The following ITIH2 variants were observed in gnomAD, a reference collection of about 807,000 sequenced individuals.
ITIH2 encodes the protein inter-alpha-trypsin inhibitor heavy chain H2.
Under a neutral mutation model 104.4 loss-of-function variants are expected in ITIH2, and 103 were observed. The ratio of observed to expected loss-of-function variants is 0.99; its 90% confidence interval spans 0.84 to 1.16. The LOEUF (loss-of-function observed/expected upper bound fraction) is 1.16. Among genes scored for constraint, ITIH2 ranks in the 50% most tolerant of loss-of-function variants. ITIH2 has a pLI of 0.00. For missense variants in ITIH2, 1,108 were observed against 1,162.4 expected, an observed-to-expected ratio of 0.95 and a Z score of 0.68; for synonymous variants, 436 against 435.4, an observed-to-expected ratio of 1.00 and a Z score of -0.02.
At chr10:7,713,957 G>A (rs1244347049) in intron 5 of ITIH2, among the ~76,000 whole-genome samples, 1 of 151,978 alleles carries the variant, frequency 6.6e-6, no homozygotes, top group Admixed American at 6.6e-5. Context: ...CCAAAGTACT[G>A]GGATTACGGG....
chr10:7,717,985 C>T (rs11255308), intron 6 of ITIH2, among the ~76,000 whole-genome samples, 197 bp downstream of exon 6: 2,812 of 152,210 alleles, frequency 0.018, 84 homozygotes, highest in African/African-American at 0.059. Flanking sequence ...TCCTTAGCAG[C>T]CGTATTATGG....
chr10:7,724,358 G>A (rs1834932753), intron 9 of ITIH2, among the ~76,000 whole-genome samples: 2 of 152,028 alleles, frequency 1.3e-5, no homozygotes, highest in Non-Finnish European at 2.9e-5. Flanking sequence ...ATCACCTGAG[G>A]TTGGGAGTTT....
chr10:7,732,677 ATACAG>A (rs142342453), intron 14 of ITIH2, among the ~76,000 whole-genome samples, 200 bp downstream of exon 14: 5,136 of 152,284 alleles, frequency 0.034, 282 homozygotes, highest in African/African-American at 0.11. Flanking sequence ...GAGGTATAAC[ATACAG>A]TAAAGTATGC....
intron 11 of ITIH2, among the ~76,000 whole-genome samples, chr10:7,728,412 T>C (rs969449506): frequency 1.3e-5 from 2 of 152,200 alleles, no homozygotes; most frequent in African/African-American, 4.8e-5. Flanking sequence ...GACAGGGTCT[T>C]GCTCTGTCAC....
intron 4 of ITIH2, among the ~76,000 whole-genome samples, chr10:7,712,925 C>T (rs988547357): frequency 1.3e-5 from 2 of 152,136 alleles, no homozygotes; most frequent in African/African-American, 4.8e-5. Flanking sequence ...TCGAGACCAT[C>T]CTGGCCAACA....
Position 7,738,628 on chromosome 10 carries a change from G to T in ITIH2, c.1965G>T (p.Leu655=). ...PQDPSCCSGA[L]YYGSKVVPDS... ...GCAGGTTTGTCTACGCAGGGGCCCT[G>T]TATTACGGCAGCAAAGTGGTTCCAG... Residue 655 remains leucine (L), a synonymous_variant, in exon 16 of 21, where the codon CTG becomes CTT. Transcript: ENST00000358415. 7.4e-6 allele frequency: 12 copies of T among 1,613,940 alleles called. No homozygotes were observed. The highest frequency in any genetic ancestry group is 1.0e-5 in the Non-Finnish European group (12 of 1,179,932).
intron 5 of ITIH2, among the ~76,000 whole-genome samples, chr10:7,717,244 A>C (rs1834859073): frequency 6.6e-6 from 1 of 152,048 alleles, no homozygotes; most frequent in Non-Finnish European, 1.5e-5. Context: ...GAACCACCAC[A>C]CCCAGCCCAA....
At chr10:7,716,754 A>AAG (rs1471091109) in intron 5 of ITIH2, among the ~76,000 whole-genome samples, 12 of 150,644 alleles carry the variant, frequency 8.0e-5, no homozygotes, top group Non-Finnish European at 5.9e-5. Context: ...AAAAAAAAAA[A>AAG]AGAGAAACAT....
chr10:7,707,352 T>G (rs1365672377), intron 3 of ITIH2, 119 bp downstream of exon 3: 6 of 739,216 alleles, frequency 8.1e-6, no homozygotes, highest in African/African-American at 1.7e-5. Context: ...TTCGAAATAC[T>G]GCCTTGCCCA....
In ITIH2 at chr10:7,717,740, T is replaced by C. The variant is rs776048468; in HGVS notation, c.582T>C (p.Tyr194=). The C allele has an allele frequency of 3.1e-6, 5 of 1,613,032 alleles. No homozygotes were observed. The South Asian group carries it at 4.4e-5, about 14-fold the overall frequency. Residue 194 remains tyrosine (Y), a synonymous_variant, in exon 6 of 21, where the codon TAT becomes TAC. Transcript: ENST00000358415. ...TGAAGTGGAGGAAGCTGGGCTCCTA[T>C]GAGCACAGGATCTATCTGCAACCTG... ...QEVKWRKLGS[Y]EHRIYLQPGR...
intron 15 of ITIH2, 124 bp downstream of exon 15, chr10:7,735,215 C>A: frequency 1.3e-6 from 1 of 799,132 alleles, no homozygotes; most frequent in Non-Finnish European, 1.9e-6. Context: ...CTGGGCCCTC[C>A]TGTGCCCAAG....
chr10:7,736,557 A>G lies in ITIH2; in HGVS notation c.1957+1466A>G, dbSNP rs193260073. 1.4e-3 allele frequency among the ~76,000 whole-genome samples: 210 copies of G among 152,286 alleles called. 1 individual carries two copies. The highest frequency in any genetic ancestry group is 5.0e-3 in the African/African-American group (206 of 41,558). ...TTAAGAATTTAATTTAAAAATCATA[A>G]CCATAAGATTCTGAGTATTCAAAAT... is the stretch of plus-strand genomic sequence containing the variant. On this transcript the variant is annotated intron_variant, in intron 15 of 20. Coordinates refer to ENST00000358415, the MANE Select transcript of ITIH2 (RefSeq NM_002216.3).
At position 7,709,085 on chromosome 10, in the gene ITIH2, G is replaced by A. The variant is rs1210274896; in HGVS notation, c.256G>A (p.Ala86Thr). 6.2e-7 allele frequency: 1 copy of A among 1,613,818 alleles called. No individual in the cohort carries two copies. The highest frequency in any genetic ancestry group is 1.1e-5 in the South Asian group (1 of 91,070). ...CCAGTCTACTATTACTTCTCGGATG[G>A]CCACCACCATGATCCAGAGCAAAGT... ...KVQSTITSRM[A>T]TTMIQSKVVN... The change falls in exon 4 of 21, where the codon GCC becomes ACC. Residue 86 changes from alanine to threonine, a missense_variant. Coordinates refer to ENST00000358415, the MANE Select transcript of ITIH2 (RefSeq NM_002216.3).
chr10:7,745,879 C>T (rs942902774), intron 19 of ITIH2, among the ~76,000 whole-genome samples: 6 of 151,170 alleles, frequency 4.0e-5, no homozygotes, highest in East Asian at 2.1e-4. Context: ...CTCAGCCTCC[C>T]GAGTAGCTGG....
intron 14 of ITIH2, 92 bp from the exon 15 acceptor site, chr10:7,734,830 C>A: frequency 8.8e-7 from 1 of 1,139,430 alleles, no homozygotes; most frequent in Non-Finnish European, 1.3e-6. Context: ...AGGTTGGACC[C>A]CAGCAGTGGT....
chr10:7,724,054 T>A lies in ITIH2; in HGVS notation c.984+487T>A, dbSNP rs181114462. The stretch of plus-strand genomic sequence containing the variant: ...TATGGTAATTGCTTGAGAGCAGCTA[T>A]CCATCTTATGTTTTCCAGCTCAGAG... On this transcript the variant is annotated intron_variant, in intron 9 of 20. Coordinates refer to ENST00000358415, the MANE Select transcript of ITIH2 (RefSeq NM_002216.3). 3.3e-4 allele frequency among the ~76,000 whole-genome samples: 50 copies of A among 152,332 alleles called. 3 individuals are homozygous for A. Among genetic ancestry groups the A allele is most frequent in the East Asian group, 2.5e-3 (13 of 5,186 alleles).
chr10:7,717,516 A>G (rs1834861017), intron 5 of ITIH2, 110 bp from the exon 6 acceptor site: 2 of 925,488 alleles, frequency 2.2e-6, no homozygotes, highest in Middle Eastern at 2.7e-4. Context: ...TTCATGAACT[A>G]CTGAGCAGAA....
At chr10:7,726,211 A>C (rs543165745) in intron 9 of ITIH2, among the ~76,000 whole-genome samples, 7 of 152,306 alleles carry the variant, frequency 4.6e-5, no homozygotes, top group African/African-American at 1.7e-4. Context: ...ATTGCAGAAG[A>C]AAGCTGAGAA....
Position 7,721,657 on chromosome 10 carries a change from C to T in ITIH2, c.747C>T (p.Val249=). 1 of 1,613,708 alleles carries T rather than the reference C, an allele frequency of 6.2e-7. No individual in the cohort carries two copies. The highest frequency in any genetic ancestry group is 1.1e-5 in the South Asian group (1 of 91,030). ...VISKGQQKAH[V]SFKPTVAQQR... ...GTCACCGTTCTTTCTAGGCGCACGTCTCCTTCAAGCCCACGGTAGCACAGC... is the reference window on the plus strand; with the variant it reads ...GTCACCGTTCTTTCTAGGCGCACGTTTCCTTCAAGCCCACGGTAGCACAGC... Residue 249 remains valine, a synonymous_variant, in exon 8 of 21, where the codon GTC becomes GTT. Coordinates refer to ENST00000358415, the MANE Select transcript of ITIH2 (RefSeq NM_002216.3).
Sources: gnomAD v4.1 joint callset for allele counts (sites outside exome capture counted in the v4.1 genomes callset) on GRCh38, gnomAD v4.1.1 for gene constraint, MANE v1.5 for transcripts, NCBI Gene and HGNC (gene_info 2026-07-23, HGNC 2026-07-21) for gene names.